ARB2A: variants seen among roughly 807,000 people sequenced by gnomAD.
ARB2A encodes the protein ARB2 cotranscriptional regulator A.
the ARB2A span, among the ~76,000 whole-genome samples, chr5:93,707,935 C>G: frequency 1.3e-5 from 2 of 152,160 alleles, no homozygotes; most frequent in African/African-American, 4.8e-5. Flanking sequence ...ACTTTAATCT[C>G]TTCTCTACCC....
At chr5:94,015,731 A>C in the ARB2A span, among the ~76,000 whole-genome samples, 12 of 152,190 alleles carry the variant, frequency 7.9e-5, no homozygotes, top group African/African-American at 2.9e-4. Flanking sequence ...TTGTGATCTA[A>C]ATAATTTGCT....
At chr5:93,898,520 C>T in the ARB2A span, among the ~76,000 whole-genome samples, 2 of 152,002 alleles carry the variant, frequency 1.3e-5, no homozygotes, top group African/African-American at 4.8e-5. Context: ...GTAGTGGCAG[C>T]TCTTAGCAGT....
the ARB2A span, among the ~76,000 whole-genome samples, chr5:93,701,259 G>A: frequency 5.3e-5 from 8 of 152,118 alleles, no homozygotes; most frequent in African/African-American, 1.9e-4. Context: ...ATTCAAATGA[G>A]CTTCAGCATG....
the ARB2A span, among the ~76,000 whole-genome samples, chr5:93,687,070 A>G: frequency 1.3e-5 from 2 of 152,178 alleles, no homozygotes; most frequent in Non-Finnish European, 2.9e-5. Flanking sequence ...ACCACATACA[A>G]TAAGGACTAT....
At chr5:94,060,328 G>A in the ARB2A span, among the ~76,000 whole-genome samples, 1 of 151,978 alleles carries the variant, frequency 6.6e-6, no homozygotes, top group Non-Finnish European at 1.5e-5. Context: ...CTCCAGCCAG[G>A]GCCACAGAGC....
At chr5:93,950,064 T>C in the ARB2A span, among the ~76,000 whole-genome samples, 2 of 152,222 alleles carry the variant, frequency 1.3e-5, no homozygotes, top group Admixed American at 1.3e-4. Context: ...TATGGCTGAA[T>C]AGTATTCCAT....
chr5:93,984,734 G>T, the ARB2A span, among the ~76,000 whole-genome samples: 1 of 151,984 alleles, frequency 6.6e-6, no homozygotes, highest in Non-Finnish European at 1.5e-5. Context: ...TTATAAATAA[G>T]AATTATATCC....
the ARB2A span, among the ~76,000 whole-genome samples, chr5:93,771,973 T>G: frequency 3.5e-4 from 54 of 152,344 alleles, no homozygotes; most frequent in East Asian, 0.01. Context: ...CCAAAAGGAC[T>G]ATAAATCATG....
the ARB2A span, among the ~76,000 whole-genome samples, chr5:93,850,677 A>G: frequency 6.6e-6 from 1 of 152,216 alleles, no homozygotes; most frequent in Non-Finnish European, 1.5e-5. Flanking sequence ...AACATGTTCT[A>G]GAAATTAAAA....
At chr5:94,106,870 G>GAAAA in the ARB2A span, among the ~76,000 whole-genome samples, 441 of 56,962 alleles carry the variant, frequency 7.7e-3, 1 homozygote, top group East Asian at 9.6e-3. Flanking sequence ...AATCAATGCA[G>GAAAA]AAAAAAAAAA....
chr5:94,078,584 G>T, the ARB2A span, among the ~76,000 whole-genome samples: 1 of 152,090 alleles, frequency 6.6e-6, no homozygotes, highest in Non-Finnish European at 1.5e-5. Flanking sequence ...GGGTAATAAG[G>T]GCCCCTGGTG....
At chr5:94,013,925 C>G in the ARB2A span, among the ~76,000 whole-genome samples, 1 of 152,156 alleles carries the variant, frequency 6.6e-6, no homozygotes, top group African/African-American at 2.4e-5. Context: ...TGCCCTGCAC[C>G]TAGTACATGG....
chr5:93,841,794 C>G, the ARB2A span, among the ~76,000 whole-genome samples: 1 of 152,122 alleles, frequency 6.6e-6, no homozygotes, highest in East Asian at 1.9e-4. Flanking sequence ...ATGAATAAAA[C>G]AGCAAGAGGC....
chr5:93,923,412 T>G, the ARB2A span, among the ~76,000 whole-genome samples: 3 of 152,134 alleles, frequency 2.0e-5, no homozygotes, highest in South Asian at 2.1e-4. Context: ...TTTTAAAGAG[T>G]CAACTGTATT....
At chr5:93,806,793 C>T in the ARB2A span, among the ~76,000 whole-genome samples, 297 of 151,962 alleles carry the variant, frequency 2.0e-3, 1 homozygote, top group African/African-American at 6.9e-3. Context: ...ACCAGTGATA[C>T]CACTGAGTGA....
At chr5:94,111,628 C>G in the ARB2A span, 12 of 152,264 alleles carry the variant, frequency 7.9e-5, no homozygotes, top group East Asian at 3.8e-4. Flanking sequence ...GGGATCCGCG[C>G]CCCGACCAAG....
the ARB2A span, chr5:93,865,350 G>C: frequency 1.0e-6 from 1 of 976,494 alleles, no homozygotes; most frequent in Non-Finnish European, 1.2e-6. Context: ...CAAAGTGCTG[G>C]GATTACAGCA....
At chr5:93,968,303 T>TTTTGGAAATATTTATTGGA in the ARB2A span, among the ~76,000 whole-genome samples, 1 of 152,116 alleles carries the variant, frequency 6.6e-6, no homozygotes, top group Non-Finnish European at 1.5e-5. Context: ...TATAATATGT[T>TTTTGGAAATATTTATTGGA]AAGGCTTTAT....
At chr5:94,011,773 A>G in the ARB2A span, among the ~76,000 whole-genome samples, 1 of 151,878 alleles carries the variant, frequency 6.6e-6, no homozygotes, top group African/African-American at 2.4e-5. Context: ...TCTAGTCCAG[A>G]GCAGAAAGAG....
Sources: gnomAD v4.1 joint callset for allele counts (sites outside exome capture counted in the v4.1 genomes callset) on GRCh38, gnomAD v4.1.1 for gene constraint, MANE v1.5 for transcripts, NCBI Gene and HGNC (gene_info 2026-07-23, HGNC 2026-07-21) for gene names.